Variants in CDH3 observed in about 807,000 individuals in gnomAD.
The protein encoded by CDH3 is cadherin 3.
CDH3 carries 54 observed loss-of-function variants against 82.0 expected under a neutral mutation model. The ratio of observed to expected loss-of-function variants is 0.66; its 90% confidence interval spans 0.53 to 0.83. CDH3 has a LOEUF of 0.83. CDH3 is among the 40% of genes least tolerant of loss of function. CDH3 has a pLI of 0.00. For missense variants in CDH3, 1,054 were observed against 1,084.6 expected, an observed-to-expected ratio of 0.97 and a Z score of 0.40; for synonymous variants, 446 against 437.9, an observed-to-expected ratio of 1.02 and a Z score of -0.23.
At chr16:68,697,706 G>A (rs1478063089) in intron 15 of CDH3, among the ~76,000 whole-genome samples, 4 of 152,168 alleles carry the variant, frequency 2.6e-5, no homozygotes, top group African/African-American at 9.7e-5. Flanking sequence ...ATTAGATAAT[G>A]ATAGCTATTG....
chr16:68,726,554 T>C (rs934208704), intron 2 of CDH3, among the ~76,000 whole-genome samples: 3 of 151,638 alleles, frequency 2.0e-5, no homozygotes, highest in Non-Finnish European at 4.4e-5. Context: ...AGGGTTCAAA[T>C]TCCAGCTCTT....
intron 11 of CDH3, among the ~76,000 whole-genome samples, chr16:68,685,890 G>A (rs1181973415): frequency 2.0e-5 from 3 of 152,182 alleles, no homozygotes; most frequent in Non-Finnish European, 2.9e-5. Flanking sequence ...AGGGAGCCAG[G>A]TGTGGTGACT....
At chr16:68,664,882 T>C (rs1448989386) in intron 2 of CDH3, among the ~76,000 whole-genome samples, 13 of 151,990 alleles carry the variant, frequency 8.6e-5, no homozygotes, top group Non-Finnish European at 1.5e-5. Context: ...ACTCCTGGAC[T>C]TAAGTGACCC....
intron 2 of CDH3, among the ~76,000 whole-genome samples, chr16:68,725,395 C>T (rs1015226804): frequency 1.3e-5 from 2 of 151,764 alleles, no homozygotes; most frequent in African/African-American, 4.8e-5. Flanking sequence ...GTGCAGTGGC[C>T]CGATCTCGGC....
rs552752317 is a variant in CDH3 at position 68,650,830 on chromosome 16, G to A, written c.160+5080G>A. Among the ~76,000 whole-genome samples, 3 of 152,102 alleles carry A rather than the reference G, an allele frequency of 2.0e-5. No homozygotes were observed. The East Asian group carries it at 5.8e-4, about 29-fold the overall frequency. On this transcript the variant is annotated intron_variant, in intron 2 of 15. Coordinates refer to ENST00000264012, the MANE Select transcript of CDH3 (RefSeq NM_001793.6). Reference sequence around the variant, plus strand: ...GCCTTAACCCCTTCCCCCACAGCCTGGTGGCCCAGTTCTGTGAAGGAACCA... The same window carrying A: ...GCCTTAACCCCTTCCCCCACAGCCTAGTGGCCCAGTTCTGTGAAGGAACCA...
At chr16:68,732,846 T>C in the CDH3 span, among the ~76,000 whole-genome samples, 1 of 152,028 alleles carries the variant, frequency 6.6e-6, no homozygotes, top group African/African-American at 2.4e-5. Context: ...TCTAGAGCCC[T>C]CTTTAAAGTG....
At chr16:68,655,631 G>T (rs1960393094) in intron 2 of CDH3, among the ~76,000 whole-genome samples, 1 of 152,128 alleles carries the variant, frequency 6.6e-6, no homozygotes, top group Admixed American at 6.5e-5. Context: ...ATCACTTGAG[G>T]TCAGGAGTTC....
chr16:68,727,817 G>C (rs575430464), downstream of CDH3, among the ~76,000 whole-genome samples: 1 of 152,150 alleles, frequency 6.6e-6, no homozygotes, highest in South Asian at 2.1e-4. Flanking sequence ...ACTGAGACAG[G>C]AGAATCGCTT....
chr16:68,663,514 G>A (rs1385682792), intron 2 of CDH3, among the ~76,000 whole-genome samples: 2 of 151,872 alleles, frequency 1.3e-5, no homozygotes, highest in African/African-American at 4.8e-5. Context: ...GATTACAGGC[G>A]TGAGCCACCA....
chr16:68,652,584 A>G (rs889696773), intron 2 of CDH3, among the ~76,000 whole-genome samples: 9 of 152,218 alleles, frequency 5.9e-5, no homozygotes, highest in Non-Finnish European at 8.8e-5. Flanking sequence ...TTATTGAAGA[A>G]TAACAAATGT....
intron 12 of CDH3, among the ~76,000 whole-genome samples, chr16:68,690,097 G>A (rs749945577): frequency 2.6e-5 from 4 of 152,120 alleles, no homozygotes; most frequent in Admixed American, 6.6e-5. Flanking sequence ...AGTCTCCCCC[G>A]AGTGGTGCCC....
At chr16:68,714,329 C>G (rs1006492942) in intron 1 of CDH3, among the ~76,000 whole-genome samples, 2 of 152,176 alleles carry the variant, frequency 1.3e-5, no homozygotes, top group South Asian at 4.1e-4. Context: ...GAGACCCAGG[C>G]AGGTGCTGAG....
Position 68,698,225 on chromosome 16 carries a change from CG to C in CDH3, c.2316del (p.Tyr774ThrfsTer19). ...GCGGCTAACACAGACCCCACAGCCC[CG>C]CCCTACGACACCCTCTTGGTGTTCG... Reference protein sequence around the residue: ...LKAANTDPTAPPYDTLLVFDY... With the variant: ...LKAANTDPTAXPYDTLLVFDY... On this transcript the variant is annotated frameshift_variant, in exon 16 of 16. Coordinates refer to ENST00000264012, the MANE Select transcript of CDH3 (RefSeq NM_001793.6). LOFTEE classifies it high-confidence loss of function. 1 of 1,614,226 alleles carries C rather than the reference CG, an allele frequency of 6.2e-7. No individual in the cohort carries two copies. Among genetic ancestry groups the C allele is most frequent in the South Asian group, 1.1e-5 (1 of 91,088 alleles).
chr16:68,668,174 G>GC (rs1407226433), intron 2 of CDH3, among the ~76,000 whole-genome samples: 1 of 152,066 alleles, frequency 6.6e-6, no homozygotes, highest in Non-Finnish European at 1.5e-5. Flanking sequence ...GGAAGAAAGA[G>GC]CTATGTTTAG....
intron 2 of CDH3, among the ~76,000 whole-genome samples, chr16:68,663,332 G>A (rs1960646306): frequency 1.3e-5 from 2 of 150,530 alleles, no homozygotes; most frequent in East Asian, 2.0e-4. Context: ...CCGGGTTCAC[G>A]CCATTCTCCT....
intron 1 of CDH3, among the ~76,000 whole-genome samples, chr16:68,720,649 T>C (rs13334865): frequency 0.033 from 4,950 of 150,116 alleles, 271 homozygotes; most frequent in African/African-American, 0.11. Context: ...GGAGTCTCGC[T>C]CTGTTGCCCA....
chr16:68,698,450 C>G lies in CDH3; in HGVS notation c.*50C>G, dbSNP rs375453119. ...CCAAACGTCAGGCCACAGAGCATCTCCAAGGGGTCTCAGTTCCCCCTTCAG... is the reference window on the plus strand; with the variant it reads ...CCAAACGTCAGGCCACAGAGCATCTGCAAGGGGTCTCAGTTCCCCCTTCAG... On this transcript the variant is annotated 3_prime_UTR_variant, in exon 16 of 16. Coordinates refer to ENST00000264012, the MANE Select transcript of CDH3 (RefSeq NM_001793.6). 2.0e-5 allele frequency: 31 copies of G among 1,545,562 alleles called. No individual in the cohort carries two copies. In the African/African-American group the frequency reaches 3.7e-4, roughly 18 times the overall value.
chr16:68,710,803 T>C (rs2152110012), intron 1 of CDH3, among the ~76,000 whole-genome samples: 1 of 146,844 alleles, frequency 6.8e-6, no homozygotes, highest in African/African-American at 2.5e-5. Context: ...CGAGATTGAG[T>C]GACTGCACTC....
chr16:68,686,430 G>A, intron 11 of CDH3: 1 of 1,383,764 alleles, frequency 7.2e-7, no homozygotes, highest in East Asian at 2.3e-5. Flanking sequence ...CCGAGTATTG[G>A]TTGAAAGGAG....
Sources: allele counts gnomAD v4.1 joint callset (sites outside exome capture counted in the v4.1 genomes callset), GRCh38; gene constraint gnomAD v4.1.1; transcripts MANE v1.5; gene names NCBI Gene and HGNC (gene_info 2026-07-23, HGNC 2026-07-21).